MIB1: variants seen among roughly 807,000 people sequenced by gnomAD.
The protein encoded by MIB1 is MIB E3 ubiquitin protein ligase 1.
Under a neutral mutation model 124.5 loss-of-function variants are expected in MIB1, and 278 were observed. That is an observed-to-expected ratio of 2.23 (90% CI 2.02 to 2.47). MIB1 has a LOEUF of 2.47. Among genes scored for constraint, MIB1 ranks in the 30% most tolerant of loss-of-function variants. The pLI, the probability that MIB1 is intolerant of heterozygous loss-of-function variation, is 0.00. For missense variants in MIB1, 957 were observed against 1,254.4 expected, an observed-to-expected ratio of 0.76 and a Z score of 3.58; for synonymous variants, 446 against 429.4, an observed-to-expected ratio of 1.04 and a Z score of -0.48.
chr18:21,818,282 A>T (rs1010836787), intron 11 of MIB1, among the ~76,000 whole-genome samples: 1 of 151,888 alleles, frequency 6.6e-6, no homozygotes, highest in African/African-American at 2.4e-5. Flanking sequence ...TTTCCTCTGT[A>T]CAACAGATTT....
chr18:21,797,499 G>C (rs187094457), intron 7 of MIB1, among the ~76,000 whole-genome samples: 1 of 152,160 alleles, frequency 6.6e-6, no homozygotes, highest in African/African-American at 2.4e-5. Context: ...AAAAAAAGGT[G>C]ATAGTTGTCA....
At chr18:21,810,103 G>A (rs1329303566) in intron 10 of MIB1, among the ~76,000 whole-genome samples, 1 of 151,986 alleles carries the variant, frequency 6.6e-6, no homozygotes, top group East Asian at 1.9e-4. Context: ...TGAACAATCT[G>A]TTAACAATGA....
At chr18:21,844,744 A>G (rs780751506) in intron 15 of MIB1, among the ~76,000 whole-genome samples, 48 of 151,932 alleles carry the variant, frequency 3.2e-4, no homozygotes, top group Admixed American at 6.6e-4. Flanking sequence ...GTTCTTTTTT[A>G]ACATCAGCCA....
intron 6 of MIB1, among the ~76,000 whole-genome samples, chr18:21,780,071 C>T (rs1298539278): frequency 6.6e-6 from 1 of 152,048 alleles, no homozygotes; most frequent in Non-Finnish European, 1.5e-5. Context: ...CATTAAAACT[C>T]CTTTGGTGCA....
In MIB1 at chr18:21,853,182, C is replaced by CT; in HGVS notation, c.2634dup (p.Gln879SerfsTer10). 6.2e-7 allele frequency: 1 copy of CT among 1,613,430 alleles called. No individual in the cohort carries two copies. Among genetic ancestry groups the CT allele is most frequent in the Non-Finnish European group, 8.5e-7 (1 of 1,179,606 alleles). ...ATGCTCTGACAAGAAAGCAGCTGTTCTTTTTCAACCCTGTGGCCACATGTG... is the reference window on the plus strand; with the variant it reads ...ATGCTCTGACAAGAAAGCAGCTGTTCTTTTTTCAACCCTGTGGCCACATGTG... On this transcript the variant is annotated frameshift_variant, in exon 18 of 21. Coordinates refer to ENST00000261537, the MANE Select transcript of MIB1 (RefSeq NM_020774.4). LOFTEE classifies it high-confidence loss of function.
intron 12 of MIB1, among the ~76,000 whole-genome samples, chr18:21,833,963 A>C (rs531814367): frequency 3.8e-4 from 58 of 152,268 alleles, no homozygotes; most frequent in African/African-American, 1.3e-3. Flanking sequence ...CTCATATACT[A>C]TGCTCCACAG....
chr18:21,725,769 GGGAGGGAGGGAGAGAGGGAAGGAAGGAA>G (rs928855590), intron 1 of MIB1, among the ~76,000 whole-genome samples: 2 of 140,276 alleles, frequency 1.4e-5, no homozygotes, highest in Non-Finnish European at 3.0e-5. Flanking sequence ...GAAGGAAGGA[GGGAGGGAGGGAGAGAGGGAAGGAAGGAA>G]GGAAGGAAGG....
intron 13 of MIB1, among the ~76,000 whole-genome samples, chr18:21,840,653 ATATATATATATATTTTTTT>A (rs1313543855): frequency 5.2e-3 from 145 of 27,940 alleles, no homozygotes; most frequent in East Asian, 0.019. Flanking sequence ...ATATATATAT[ATATATATATATATTTTTTT>A]TTTTTTTTAA....
Position 21,735,765 on chromosome 18 carries a change from C to T in MIB1, n.168-30007C>T, listed in dbSNP as rs373451531. ...AGTGTAAACAAAGCTGCCGGAAGTT[C>T]GAACTGGGTGGAGGCCCTCTGCAAC... On this transcript the variant is annotated intron_variant and non_coding_transcript_variant, in intron 1 of 20. Coordinates refer to the MIB1 transcript ENST00000578646. Among the ~76,000 whole-genome samples the T allele has an allele frequency of 2.6e-5, 4 of 152,192 alleles. No homozygotes were observed. In the East Asian group the frequency reaches 5.8e-4, roughly 22 times the overall value.
Position 21,832,806 on chromosome 18 carries a change from C to T in MIB1, c.1830-5559C>T, listed in dbSNP as rs550751967. On this transcript the variant is annotated intron_variant, in intron 12 of 20. Transcript: ENST00000261537. ...TCCTAGATATTGAAATAATTTTACT[C>T]ATATTATGAGAAGATGACATGTCTC... Among the ~76,000 whole-genome samples, 13 of 152,240 alleles carry T rather than the reference C, an allele frequency of 8.5e-5. No individual in the cohort carries two copies. The East Asian group carries it at 1.7e-3, about 20-fold the overall frequency.
chr18:21,763,013 T>C (rs551705513), intron 1 of MIB1, among the ~76,000 whole-genome samples: 1 of 152,090 alleles, frequency 6.6e-6, no homozygotes, highest in Admixed American at 6.5e-5. Context: ...ATTCTTTATA[T>C]GTATATTTTG....
chr18:21,815,073 GTA>G (rs1255121195), intron 10 of MIB1, among the ~76,000 whole-genome samples: 2 of 80,126 alleles, frequency 2.5e-5, no homozygotes, highest in Non-Finnish European at 5.3e-5. Flanking sequence ...ATATATAAAT[GTA>G]TATATATAAA....
chr18:21,765,989 T>G, intron 2 of MIB1, 46 bp downstream of exon 2: 1 of 1,576,236 alleles, frequency 6.3e-7, no homozygotes, highest in Non-Finnish European at 8.7e-7. Flanking sequence ...TTTGTTTGTA[T>G]TCAAGTTATG....
At chr18:21,754,822 TG>T (rs1238791339) in intron 1 of MIB1, among the ~76,000 whole-genome samples, 1 of 152,210 alleles carries the variant, frequency 6.6e-6, no homozygotes, top group Non-Finnish European at 1.5e-5. Flanking sequence ...GCACTAAATT[TG>T]TGGGTGGAAG....
chr18:21,847,172 TATC>T, intron 16 of MIB1, 47 bp downstream of exon 16: 1 of 1,499,314 alleles, frequency 6.7e-7, no homozygotes, highest in Non-Finnish European at 9.1e-7. Context: ...GTACAGAAAA[TATC>T]ATGTGGTTTC....
intron 10 of MIB1, among the ~76,000 whole-genome samples, chr18:21,810,372 C>G (rs951143337): frequency 6.6e-6 from 1 of 151,904 alleles, no homozygotes; most frequent in Non-Finnish European, 1.5e-5. Context: ...ATGTTTCTTG[C>G]AGAAATAGAA....
chr18:21,867,888 G>A lies in MIB1; in HGVS notation c.*3222G>A, dbSNP rs1232899190. On this transcript the variant is annotated 3_prime_UTR_variant, in exon 21 of 21. Transcript: ENST00000261537. ...TTCATGAACTAAGAGAATTAGAGAT[G>A]GGGTAGAGTAGGATCAGGACAGTGG... 6.6e-6 allele frequency: 1 copy of A among 152,332 alleles called. No individual in the cohort carries two copies. The highest frequency in any genetic ancestry group is 1.5e-5 in the Non-Finnish European group (1 of 67,938). The allele number at this position is 152,332 out of a possible 1,614,324, so 9.4% of individuals were successfully genotyped here. A position where few individuals can be genotyped will look rare whatever the true frequency, so the allele number is the denominator to read the frequency against.
At chr18:21,707,120 A>C (rs1041713259) in intron 1 of MIB1, among the ~76,000 whole-genome samples, 2 of 152,246 alleles carry the variant, frequency 1.3e-5, no homozygotes, top group South Asian at 4.1e-4. Context: ...GACTTGGAGA[A>C]TCTTTATGTC....
rs1263827646 is a variant in MIB1, at chr18:21,768,743, TA to T, written c.523del (p.Arg175GlyfsTer4). The T allele has an allele frequency of 6.2e-7, 1 of 1,610,454 alleles. No individual in the cohort carries two copies. Among genetic ancestry groups the T allele is most frequent in the Non-Finnish European group, 8.5e-7 (1 of 1,178,088 alleles). ...WEDQDGGNGR[R>X]GKVTEIQDWS... ...AAGATCAAGATGGAGGAAATGGACG[TA>T]GGGGAAAGGTACAGTGTTTCTCTGA... On this transcript the variant is annotated frameshift_variant, in exon 3 of 21. Coordinates refer to ENST00000261537, the MANE Select transcript of MIB1 (RefSeq NM_020774.4). LOFTEE classifies it high-confidence loss of function.
Sources: allele counts gnomAD v4.1 joint callset (sites outside exome capture counted in the v4.1 genomes callset), GRCh38; gene constraint gnomAD v4.1.1; transcripts MANE v1.5; gene names NCBI Gene and HGNC (gene_info 2026-07-23, HGNC 2026-07-21).